The following AREL1 variants were observed in gnomAD, a reference collection of about 807,000 sequenced individuals.
AREL1 encodes apoptosis resistant E3 ubiquitin protein ligase 1, also known as apoptosis-resistant E3 ubiquitin protein ligase 1.
A neutral mutation model predicts 99.0 loss-of-function variants in AREL1; 62 were observed. That is an observed-to-expected ratio of 0.63 (90% CI 0.51 to 0.77). The LOEUF (loss-of-function observed/expected upper bound fraction) is 0.77. Among genes scored for constraint, AREL1 ranks in the 30% least tolerant of loss-of-function variants. AREL1 has a pLI of 0.00. For synonymous variants in AREL1, 380 were observed against 376.5 expected (o/e 1.01, Z -0.11); for missense variants, 879 against 1,027.6 (o/e 0.86, Z 1.98).
intron 2 of AREL1, among the ~76,000 whole-genome samples, chr14:74,686,054 C>T (rs2089741585): frequency 6.6e-6 from 1 of 152,004 alleles, no homozygotes; most frequent in Non-Finnish European, 1.5e-5. Flanking sequence ...TTATGTTTGC[C>T]TTTTGGGAGT....
chr14:74,680,586 T>C (rs1417793940), intron 5 of AREL1, among the ~76,000 whole-genome samples: 1 of 152,180 alleles, frequency 6.6e-6, no homozygotes, highest in Non-Finnish European at 1.5e-5. Flanking sequence ...TAAAAACCTG[T>C]AAGTGAATAT....
intron 9 of AREL1, among the ~76,000 whole-genome samples, chr14:74,673,670 A>G (rs187834007): frequency 1.3e-5 from 2 of 152,362 alleles, no homozygotes; most frequent in Admixed American, 6.5e-5. Context: ...CAAACAAACA[A>G]TGTATTTTAA....
At position 74,669,756 on chromosome 14, in the gene AREL1, G is replaced by C; in HGVS notation, c.1807C>G (p.Pro603Ala). 1.2e-6 allele frequency: 2 copies of C among 1,614,076 alleles called. No individual in the cohort carries two copies. Among genetic ancestry groups the C allele is most frequent in the Non-Finnish European group, 1.7e-6 (2 of 1,180,000 alleles). Reference protein sequence around the residue: ...MHYKYFETDDPEFYKSKVCFI... With the variant: ...MHYKYFETDDAEFYKSKVCFI... ...CAAACTTTAGATTTGTAGAATTCTG[G>C]GTCATCTGTTTCAAAGTACTGAGGA... The change falls in exon 15 of 20, where the codon CCA (proline) becomes GCA (alanine). Residue 603 changes from proline to alanine, a missense_variant. Coordinates refer to ENST00000356357, the MANE Select transcript of AREL1 (RefSeq NM_001039479.2).
At chr14:74,678,031 T>C (rs898773645) in intron 5 of AREL1, 6 of 355,816 alleles carry the variant, frequency 1.7e-5, no homozygotes, top group Non-Finnish European at 3.2e-5. Flanking sequence ...CCCAAATTGA[T>C]ATATAGGTTT....
chr14:74,677,262 AG>A (rs1434324624), intron 5 of AREL1, among the ~76,000 whole-genome samples: 1 of 151,792 alleles, frequency 6.6e-6, no homozygotes, highest in Non-Finnish European at 1.5e-5. Flanking sequence ...TGGGAGGCCA[AG>A]GCCAGAGAAT....
chr14:74,684,073 A>G (rs934246468), intron 4 of AREL1, among the ~76,000 whole-genome samples: 1 of 152,206 alleles, frequency 6.6e-6, no homozygotes, highest in Non-Finnish European at 1.5e-5. Context: ...CAACTACTCA[A>G]CTGTCATAAC....
intron 19 of AREL1, 37 bp from the exon 20 acceptor site, chr14:74,663,859 C>T: frequency 6.2e-7 from 1 of 1,614,172 alleles, no homozygotes; most frequent in East Asian, 2.2e-5. Context: ...ACTCATACCA[C>T]CAAAAACACT....
chr14:74,678,297 G>A (rs1490518552), intron 5 of AREL1: 1 of 443,026 alleles, frequency 2.3e-6, no homozygotes, highest in Non-Finnish European at 4.5e-6. Context: ...AGGAGTTCGA[G>A]ACCACCCTGG....
intron 15 of AREL1, among the ~76,000 whole-genome samples, chr14:74,669,346 A>G (rs2089278762): frequency 6.6e-6 from 1 of 152,102 alleles, no homozygotes; most frequent in Non-Finnish European, 1.5e-5. Context: ...TGGAAGCAGG[A>G]CTCGGTGGGA....
At chr14:74,701,085 T>A (rs1348761594) in intron 1 of AREL1, among the ~76,000 whole-genome samples, 1 of 152,134 alleles carries the variant, frequency 6.6e-6, no homozygotes, top group Admixed American at 6.6e-5. Context: ...GGGTGCAAGT[T>A]GGGAGCCAAC....
chr14:74,685,556 A>C lies in AREL1; in HGVS notation c.16+44T>G, dbSNP rs941968127. ...CAGAAAGGCAAAAAGGACCCAAGCAACCTTTACAAAAATATAATAGAGAGA... is the reference window on the plus strand; with the variant it reads ...CAGAAAGGCAAAAAGGACCCAAGCACCCTTTACAAAAATATAATAGAGAGA... On this transcript the variant is annotated intron_variant, in intron 3 of 19. Transcript: ENST00000356357. The C allele has an allele frequency of 1.9e-6, 3 of 1,612,050 alleles. No homozygotes were observed. In the African/African-American group the frequency reaches 4.0e-5, roughly 22 times the overall value.
chr14:74,694,614 T>G (rs566103447), intron 1 of AREL1, among the ~76,000 whole-genome samples: 61 of 152,346 alleles, frequency 4.0e-4, no homozygotes, highest in African/African-American at 1.4e-3. Flanking sequence ...TTTCTATTTC[T>G]GGAGAACACA....
chr14:74,663,636 G>A lies in AREL1; in HGVS notation c.*84C>T. The A allele has an allele frequency of 7.5e-7, 1 of 1,333,238 alleles. No homozygotes were observed. The highest frequency in any genetic ancestry group is 1.4e-5 in the African/African-American group (1 of 69,416). 82.6% of individuals were successfully genotyped at this position (1,333,238 alleles called of 1,614,324 possible). ...CATCTTCTGGCTGATGGTTATGTGT[G>A]TTAGGATCAGTGGTTATGATGTCTG... On this transcript the variant is annotated 3_prime_UTR_variant, in exon 20 of 20. Transcript: ENST00000356357.
At chr14:74,690,789 G>GA (rs2089861461) in intron 2 of AREL1, among the ~76,000 whole-genome samples, 1 of 152,136 alleles carries the variant, frequency 6.6e-6, no homozygotes, top group African/African-American at 2.4e-5. Context: ...TAAGCTAGAA[G>GA]AAAAATATGA....
intron 18 of AREL1, among the ~76,000 whole-genome samples, chr14:74,664,549 C>T (rs1317809881): frequency 1.4e-5 from 2 of 147,064 alleles, no homozygotes; most frequent in Non-Finnish European, 3.0e-5. Context: ...TGGGTTCAAG[C>T]GATTCTCCTG....
chr14:74,663,046 A>G lies in AREL1; in HGVS notation c.*674T>C, dbSNP rs1405829448. The G allele has an allele frequency of 6.0e-6, 1 of 166,966 alleles. No individual in the cohort carries two copies. Among genetic ancestry groups the G allele is most frequent in the Admixed American group, 6.3e-5 (1 of 15,878 alleles). 10.3% of individuals were successfully genotyped at this position (166,966 alleles called of 1,614,324 possible). On this transcript the variant is annotated 3_prime_UTR_variant, in exon 20 of 20. Transcript: ENST00000356357. ...GGCTACAATTCAAGAAAAAGCTTAC[A>G]GAGTTCTTCTTTGTGGATTAATAAT...
Position 74,683,329 on chromosome 14 carries a change from C to T in AREL1, c.448G>A (p.Ala150Thr). ...AAAATTTTGTAGTAGGGACTATATG[C>T]CACATTTAATCCACCAAGCTTCACT... ...ITVKLGGLNVAYSPYYKIFQP... is the reference protein window; with the variant it reads ...ITVKLGGLNVTYSPYYKIFQP... Residue 150 changes from alanine (A) to threonine (T), a missense_variant, in exon 5 of 20, where the codon GCA becomes ACA. Physicochemically the swap from Ala to Thr is moderately conservative, Grantham distance 58 (BLOSUM62 0). Transcript: ENST00000356357. 1.2e-6 allele frequency: 2 copies of T among 1,614,036 alleles called. No individual in the cohort carries two copies. The highest frequency in any genetic ancestry group is 3.3e-4 in the Middle Eastern group (2 of 6,062).
intron 4 of AREL1, 77 bp downstream of exon 4, chr14:74,684,377 C>G (rs1322141368): frequency 1.1e-5 from 15 of 1,321,582 alleles, no homozygotes; most frequent in Non-Finnish European, 1.5e-5. Context: ...TGTTAACATT[C>G]CAGGCCAGCA....
intron 1 of AREL1, among the ~76,000 whole-genome samples, chr14:74,693,469 C>G (rs1454228908): frequency 6.6e-6 from 1 of 152,120 alleles, no homozygotes; most frequent in African/African-American, 2.4e-5. Context: ...CATACACAAA[C>G]AGCCACCATA....
Sources: gnomAD v4.1 joint callset for allele counts (sites outside exome capture counted in the v4.1 genomes callset) on GRCh38, gnomAD v4.1.1 for gene constraint, MANE v1.5 for transcripts, NCBI Gene and HGNC (gene_info 2026-07-23, HGNC 2026-07-21) for gene names.